Variants in ASIC4 observed in about 807,000 individuals in gnomAD.
The protein encoded by ASIC4 is acid-sensing ion channel 4.
ASIC4 carries 28 observed loss-of-function variants against 53.4 expected under a neutral mutation model. The observed-to-expected ratio is 0.52, with a 90% CI of 0.39 to 0.72. The LOEUF (loss-of-function observed/expected upper bound fraction) is 0.72, where lower values mean the gene tolerates loss of function less well. Among genes scored for constraint, ASIC4 ranks in the 30% least tolerant of loss-of-function variants. The pLI, the probability that ASIC4 is intolerant of heterozygous loss-of-function variation, is 0.00. For synonymous variants in ASIC4, 289 were observed against 301.4 expected, an observed-to-expected ratio of 0.96 and a Z score of 0.43; for missense variants, 649 against 729.7, an observed-to-expected ratio of 0.89 and a Z score of 1.27.
chr2:219,531,482 T>C (rs533851644), intron 1 of ASIC4, among the ~76,000 whole-genome samples: 2 of 151,950 alleles, frequency 1.3e-5, no homozygotes, highest in African/African-American at 4.8e-5. Flanking sequence ...TATAGTGGGG[T>C]GGTTTACTAG....
chr2:219,511,231 CT>C (rs1694697407), upstream of ASIC4, among the ~76,000 whole-genome samples: 1 of 152,122 alleles, frequency 6.6e-6, no homozygotes, highest in Admixed American at 6.5e-5. The surrounding 1 kb of genome is among the most constrained non-coding windows in gnomAD (Gnocchi z 5.3). Flanking sequence ...GGTTCCTGTG[CT>C]TTGAGAAAGC....
chr2:219,507,788 G>T, the ASIC4 span, among the ~76,000 whole-genome samples: 2 of 152,046 alleles, frequency 1.3e-5, no homozygotes, highest in African/African-American at 4.8e-5. Context: ...GGGGTGCAGG[G>T]CATGGGTGGG....
At chr2:219,513,072 A>C (rs1574484592), upstream of ASIC4, among the ~76,000 whole-genome samples, 1 of 152,106 alleles carries the variant, frequency 6.6e-6, no homozygotes, top group South Asian at 2.1e-4. Flanking sequence ...CAGCGGGTGG[A>C]CCTCGGGCTC....
At chr2:219,532,556 G>A (rs903599966) in intron 4 of ASIC4, 79 bp downstream of exon 4, 2 of 1,535,546 alleles carry the variant, frequency 1.3e-6, no homozygotes, top group Non-Finnish European at 1.8e-6. Context: ...CACTGCTCAT[G>A]TGCACAGGCA....
chr2:219,508,771 G>C, the ASIC4 span, among the ~76,000 whole-genome samples: 1 of 144,640 alleles, frequency 6.9e-6, no homozygotes, highest in Non-Finnish European at 1.5e-5. Context: ...GGAGGGTCTG[G>C]GAAGGGAGAA....
rs139121997 is a variant in ASIC4 at position 219,536,550 on chromosome 2, G to T, written c.1230-516G>T. Among the ~76,000 whole-genome samples, 647 of 152,294 alleles carry T rather than the reference G, an allele frequency of 4.2e-3. 4 individuals carry two copies. The highest frequency in any genetic ancestry group is 0.015 in the African/African-American group (616 of 41,546). ...CCGGCCTCTGAGGGCCCTGGGTTTG[G>T]GGTCTGAGAGAGGAGGCAATGGGGA... On this transcript the variant is annotated intron_variant, in intron 6 of 9. Coordinates refer to ENST00000358078, the MANE Select transcript of ASIC4 (RefSeq NM_018674.6). The surrounding 1 kb of genome is among the most constrained non-coding windows in gnomAD (Gnocchi z 4.6).
At chr2:219,507,913 G>T in the ASIC4 span, among the ~76,000 whole-genome samples, 1 of 152,134 alleles carries the variant, frequency 6.6e-6, no homozygotes, top group Non-Finnish European at 1.5e-5. Context: ...TCATAGCCTG[G>T]CAGTTAGGAA....
At position 219,532,303 on chromosome 2, in the gene ASIC4, C is replaced by T. The variant is rs769234826; in HGVS notation, c.856-12C>T. On this transcript the variant is annotated splice_polypyrimidine_tract_variant and intron_variant, in intron 3 of 9. Transcript: ENST00000358078. ...TTCCTGAGCATGACCTCATCATGCCCCACCTCTGCAGCTGACCTACCTGCC... is the reference window on the plus strand; with the variant it reads ...TTCCTGAGCATGACCTCATCATGCCTCACCTCTGCAGCTGACCTACCTGCC... 219 of 1,607,092 alleles carry T rather than the reference C, an allele frequency of 1.4e-4. No homozygotes were observed. Among genetic ancestry groups the T allele is most frequent in the Non-Finnish European group, 1.7e-4 (205 of 1,174,490 alleles).
At chr2:219,531,041 T>C (rs545101403) in intron 1 of ASIC4, among the ~76,000 whole-genome samples, 1 of 152,236 alleles carries the variant, frequency 6.6e-6, no homozygotes, top group East Asian at 1.9e-4. Context: ...GGATGGATTC[T>C]AAATGTATTT....
At position 219,532,145 on chromosome 2, in the gene ASIC4, A is replaced by T; in HGVS notation, c.855+17A>T. On this transcript the variant is annotated intron_variant, in intron 3 of 9. Transcript: ENST00000358078. ...GAACAGCGGGTGAGCATCTCCTGCT[A>T]GGCCCTGGATTGGGCACAGGGCTCG... 6.2e-7 allele frequency: 1 copy of T among 1,613,958 alleles called. No homozygotes were observed. Among genetic ancestry groups the T allele is most frequent in the Non-Finnish European group, 8.5e-7 (1 of 1,179,998 alleles).
intron 1 of ASIC4, among the ~76,000 whole-genome samples, chr2:219,524,941 T>A (rs1694940418): frequency 1.3e-5 from 2 of 152,250 alleles, no homozygotes; most frequent in Admixed American, 1.3e-4. Context: ...CTTGAGCACC[T>A]GCCAGGAATC....
At chr2:219,530,385 A>AAG (rs201853070) in intron 1 of ASIC4, among the ~76,000 whole-genome samples, 66 of 151,688 alleles carry the variant, frequency 4.4e-4, no homozygotes, top group Middle Eastern at 3.4e-3. Context: ...CCGCAGAGGA[A>AAG]AAGGGAGCCG....
rs551586587 is a variant in ASIC4, at chr2:219,536,519, C to T, written c.1230-547C>T. On this transcript the variant is annotated intron_variant, in intron 6 of 9. Coordinates refer to ENST00000358078, the MANE Select transcript of ASIC4 (RefSeq NM_018674.6). This position sits in a 1 kb window ranked among gnomAD's most constrained non-coding sequence, Gnocchi z 4.6. Reference sequence around the variant, plus strand: ...CAGTCGGGGAGTGAAGCTGGGGAGGCGTGAGCCGGCCTCTGAGGGCCCTGG... The same window carrying T: ...CAGTCGGGGAGTGAAGCTGGGGAGGTGTGAGCCGGCCTCTGAGGGCCCTGG... Among the ~76,000 whole-genome samples, 60 of 151,826 alleles carry T rather than the reference C, an allele frequency of 4.0e-4. No homozygotes were observed. Among genetic ancestry groups the T allele is most frequent in the African/African-American group, 1.3e-3 (55 of 41,392 alleles).
In ASIC4 at chr2:219,532,491, C is replaced by T; in HGVS notation, c.1018+14C>T. Reference sequence around the variant, plus strand: ...TGCACATGCCAGGTGGGCACCCCACCCCCAGCCAGCCCTCCATGCCACCCT... The same window carrying T: ...TGCACATGCCAGGTGGGCACCCCACTCCCAGCCAGCCCTCCATGCCACCCT... On this transcript the variant is annotated intron_variant, in intron 4 of 9. Coordinates refer to ENST00000358078, the MANE Select transcript of ASIC4 (RefSeq NM_018674.6). 1.2e-6 allele frequency: 2 copies of T among 1,601,270 alleles called. No individual in the cohort carries two copies. The highest frequency in any genetic ancestry group is 8.5e-7 in the Non-Finnish European group (1 of 1,172,084).
At chr2:219,535,664 G>A (rs1278524234) in intron 6 of ASIC4, among the ~76,000 whole-genome samples, 3 of 151,978 alleles carry the variant, frequency 2.0e-5, no homozygotes, top group South Asian at 2.1e-4. Context: ...TGTGTGTGGT[G>A]GAGGCTGCCC....
At chr2:219,531,687 A>G (rs1394325313) in intron 1 of ASIC4, 71 bp from the exon 2 acceptor site, 2 of 1,508,644 alleles carry the variant, frequency 1.3e-6, no homozygotes, top group African/African-American at 1.4e-5. Flanking sequence ...CTCAGCAGGG[A>G]GCAGGGAACT....
At position 219,538,007 on chromosome 2, in the gene ASIC4, C is replaced by T. The variant is rs201948593; in HGVS notation, c.1581C>T (p.His527=). The part of the protein sequence containing the change: ...SSLLPNHHHP[H]GPPGGLFEDF... ...TGCTCCCCAATCACCACCACCCCCA[C>T]GGTCCCCCAGGAGGTCTCTTTGAAG... The change falls in exon 10 of 10, where the codon CAC becomes CAT. Residue 527 remains histidine (H), a synonymous_variant. Transcript: ENST00000358078. 2.3e-5 allele frequency: 37 copies of T among 1,613,364 alleles called. No homozygotes were observed. The highest frequency in any genetic ancestry group is 1.7e-4 in the Middle Eastern group (1 of 6,056).
upstream of ASIC4, among the ~76,000 whole-genome samples, chr2:219,511,867 C>T (rs955276528): frequency 2.7e-5 from 4 of 150,208 alleles, no homozygotes; most frequent in Non-Finnish European, 4.4e-5. The surrounding 1 kb of genome is among the most constrained non-coding windows in gnomAD (Gnocchi z 5.3). Context: ...CAACTGCAGC[C>T]GGGCAGAGAG....
Position 219,537,480 on chromosome 2 carries a change from CAGG to C in ASIC4, c.1402-149_1402-147del, listed in dbSNP as rs1695161218. On this transcript the variant is annotated intron_variant, in intron 8 of 9. Transcript: ENST00000358078. The surrounding 1 kb of genome is among the most constrained non-coding windows in gnomAD (Gnocchi z 4.9). ...GCTGGCAGGCCTGAGGGCTCAGAGTCAGGAGAAGGGGATGGGTGAGGAGGAGGA... is the reference window on the plus strand; with the variant it reads ...GCTGGCAGGCCTGAGGGCTCAGAGTCAGAAGGGGATGGGTGAGGAGGAGGA... The C allele has an allele frequency of 7.5e-6, 8 of 1,073,690 alleles. No homozygotes were observed. Among genetic ancestry groups the C allele is most frequent in the Non-Finnish European group, 1.1e-5 (8 of 734,446 alleles). The allele number at this position is 1,073,690 out of a possible 1,614,324, so 66.5% of individuals were successfully genotyped here. A position where few individuals can be genotyped will look rare whatever the true frequency, so the allele number is the denominator to read the frequency against.
Sources: allele counts gnomAD v4.1 joint callset (sites outside exome capture counted in the v4.1 genomes callset), GRCh38; gene constraint gnomAD v4.1.1; non-coding constraint Gnocchi (gnomAD v3.1); transcripts MANE v1.5; gene names NCBI Gene and HGNC (gene_info 2026-07-23, HGNC 2026-07-21).